NTN4: variants seen among roughly 807,000 people sequenced by gnomAD.
NTN4 encodes the protein netrin 4.
Under a neutral mutation model 73.6 loss-of-function variants are expected in NTN4, and 32 were observed. The ratio of observed to expected loss-of-function variants is 0.44; its 90% CI spans 0.33 to 0.58. NTN4 has a LOEUF of 0.58. Among genes scored for constraint, NTN4 ranks in the 20% least tolerant of loss-of-function variants. The pLI, the probability that NTN4 is intolerant of heterozygous loss-of-function variation, is 0.04. For synonymous variants in NTN4, 258 were observed against 287.5 expected (o/e 0.90, Z 1.04); for missense variants, 654 against 798.3 (o/e 0.82, Z 2.18).
chr12:95,701,856 ATATTTGT>A (rs2078487177), intron 5 of NTN4, among the ~76,000 whole-genome samples: 2 of 152,186 alleles, frequency 1.3e-5, no homozygotes, highest in African/African-American at 4.8e-5. Flanking sequence ...AATGCCATCA[ATATTTGT>A]TGAATGAATC....
Position 95,665,793 on chromosome 12 carries a change from G to A in NTN4, c.1750+17C>T, listed in dbSNP as rs765261698. 2 of 1,593,020 alleles carry A rather than the reference G, an allele frequency of 1.3e-6. No homozygotes were observed. The highest frequency in any genetic ancestry group is 2.3e-5 in the East Asian group (1 of 44,228). On this transcript the variant is annotated intron_variant, in intron 9 of 9. Transcript: ENST00000343702. ...AGAGACAAGGTAGGTACTAAGATAGGAAAGTCTAATACTCACCAGGATTGA... is the reference window on the plus strand; with the variant it reads ...AGAGACAAGGTAGGTACTAAGATAGAAAAGTCTAATACTCACCAGGATTGA...
intron 7 of NTN4, chr12:95,672,549 T>G (rs1274350408): frequency 2.6e-6 from 4 of 1,527,662 alleles, no homozygotes; most frequent in Non-Finnish European, 3.6e-6. Flanking sequence ...CCACCTGTAA[T>G]GAGGACTTGG....
chr12:95,709,362 T>C (rs1159065214), intron 5 of NTN4, among the ~76,000 whole-genome samples: 1 of 152,226 alleles, frequency 6.6e-6, no homozygotes, highest in Admixed American at 6.5e-5. Flanking sequence ...CTGATGTGGT[T>C]AGATGAGCTA....
chr12:95,689,890 T>A (rs12581961), intron 5 of NTN4, among the ~76,000 whole-genome samples: 19,229 of 152,222 alleles, frequency 0.13, 1,271 homozygotes, highest in South Asian at 0.18. Flanking sequence ...GTTTTCTTTG[T>A]CTATCACACC....
intron 3 of NTN4, among the ~76,000 whole-genome samples, chr12:95,718,353 T>A (rs924195374): frequency 1.1e-4 from 16 of 152,312 alleles, no homozygotes; most frequent in African/African-American, 3.6e-4. Flanking sequence ...AGTTTGAAAC[T>A]GACCAGCCAG....
At chr12:95,737,752 G>A in intron 3 of NTN4, 114 bp downstream of exon 3, 2 of 980,438 alleles carry the variant, frequency 2.0e-6, no homozygotes, top group Non-Finnish European at 1.5e-6. Context: ...AGTCGGAGCT[G>A]TGATGGGCAG....
intron 8 of NTN4, among the ~76,000 whole-genome samples, chr12:95,669,562 T>C (rs897105954): frequency 7.4e-5 from 11 of 149,334 alleles, no homozygotes; most frequent in African/African-American, 2.7e-4. Context: ...TGATCCCTAT[T>C]TTACAGATGA....
intron 2 of NTN4, among the ~76,000 whole-genome samples, chr12:95,750,992 A>G (rs1237714224): frequency 3.3e-5 from 5 of 151,660 alleles, no homozygotes; most frequent in Admixed American, 6.6e-5. Flanking sequence ...ATCAGATAGC[A>G]TTTAGGCTCT....
chr12:95,707,302 C>T (rs2078528058), intron 5 of NTN4, among the ~76,000 whole-genome samples: 3 of 152,178 alleles, frequency 2.0e-5, no homozygotes, highest in Admixed American at 2.0e-4. Flanking sequence ...CTGATGCAGC[C>T]ACGCTAACCC....
chr12:95,780,537 G>A (rs1279138296), intron 2 of NTN4, among the ~76,000 whole-genome samples: 2 of 152,050 alleles, frequency 1.3e-5, no homozygotes, highest in Non-Finnish European at 2.9e-5. Context: ...GCAGCCAAAA[G>A]ACACATGAAA....
At chr12:95,737,021 T>C (rs1436878187) in intron 3 of NTN4, among the ~76,000 whole-genome samples, 1 of 152,198 alleles carries the variant, frequency 6.6e-6, no homozygotes, top group East Asian at 1.9e-4. Flanking sequence ...CAGAGCAAAA[T>C]AGAAAATCAA....
At chr12:95,779,437 T>C (rs934408985) in intron 2 of NTN4, among the ~76,000 whole-genome samples, 1 of 152,238 alleles carries the variant, frequency 6.6e-6, no homozygotes, top group African/African-American at 2.4e-5. Context: ...CTCCTTAAGC[T>C]GATAAGCAAC....
chr12:95,764,206 A>G (rs761085447), intron 2 of NTN4, among the ~76,000 whole-genome samples: 1 of 152,224 alleles, frequency 6.6e-6, no homozygotes, highest in Non-Finnish European at 1.5e-5. Context: ...AAGCAGCTGA[A>G]GTGATGCAGG....
chr12:95,778,351 C>CA (rs1243728070), intron 2 of NTN4, among the ~76,000 whole-genome samples: 2 of 151,766 alleles, frequency 1.3e-5, no homozygotes, highest in South Asian at 2.1e-4. Flanking sequence ...AAAAAACCTT[C>CA]AAAAAATCAA....
intron 3 of NTN4, among the ~76,000 whole-genome samples, chr12:95,731,378 G>A (rs773251824): frequency 6.6e-6 from 1 of 152,112 alleles, no homozygotes; most frequent in Non-Finnish European, 1.5e-5. Flanking sequence ...GACCAGCCTG[G>A]CCAACATGGT....
At chr12:95,735,778 G>A (rs2121168797) in intron 3 of NTN4, among the ~76,000 whole-genome samples, 1 of 152,120 alleles carries the variant, frequency 6.6e-6, no homozygotes, top group East Asian at 1.9e-4. Flanking sequence ...AGAACAAAGA[G>A]AAACTTCTAG....
chr12:95,712,658 G>A (rs193259398), intron 4 of NTN4, among the ~76,000 whole-genome samples: 10 of 152,168 alleles, frequency 6.6e-5, no homozygotes, highest in African/African-American at 1.7e-4. Flanking sequence ...CTGGAGTTCA[G>A]TGGCGTGATC....
intron 9 of NTN4, among the ~76,000 whole-genome samples, chr12:95,664,324 C>A (rs1340507014): frequency 6.6e-6 from 1 of 152,124 alleles, no homozygotes; most frequent in Non-Finnish European, 1.5e-5. Context: ...TCCTAAAGTA[C>A]TGAGATTACA....
chr12:95,682,904 CT>C (rs1369484746), intron 6 of NTN4, 82 bp from the exon 7 acceptor site: 39 of 730,738 alleles, frequency 5.3e-5, no homozygotes, highest in Admixed American at 2.3e-4. Context: ...AGATTTAAAC[CT>C]TATCTTCTGC....
Sources: allele counts gnomAD v4.1 joint callset (sites outside exome capture counted in the v4.1 genomes callset), GRCh38; gene constraint gnomAD v4.1.1; transcripts MANE v1.5; gene names NCBI Gene and HGNC (gene_info 2026-07-23, HGNC 2026-07-21).